The following CPED1 variants were observed in gnomAD, a reference collection of about 807,000 sequenced individuals.
CPED1 encodes cadherin-like and PC-esterase domain-containing protein 1.
In CPED1, 114 loss-of-function variants were observed where a neutral mutation model predicts 128.2. The observed-to-expected ratio is 0.89, with a 90% CI of 0.76 to 1.04. CPED1 has a LOEUF of 1.04. Ranked by LOEUF, CPED1 falls within the 50% of genes least tolerant of loss-of-function variation. The pLI is 0.00. For synonymous variants in CPED1, 462 were observed against 426.7 expected, an observed-to-expected ratio of 1.08 and a Z score of -1.02; for missense variants, 1,211 against 1,207.1, an observed-to-expected ratio of 1.00 and a Z score of -0.05.
intron 5 of CPED1, among the ~76,000 whole-genome samples, chr7:121,079,299 A>G (rs1024422425): frequency 6.6e-6 from 1 of 152,242 alleles, no homozygotes; most frequent in Non-Finnish European, 1.5e-5. Flanking sequence ...GAGACACTGG[A>G]CAAAAACAAT....
intron 4 of CPED1, among the ~76,000 whole-genome samples, chr7:121,059,191 T>C (rs1228514737): frequency 6.6e-6 from 1 of 152,208 alleles, no homozygotes; most frequent in South Asian, 2.1e-4. Flanking sequence ...TAAATTGTTG[T>C]AGGATTAGCA....
At chr7:121,258,403 G>T (rs1791939067) in intron 18 of CPED1, among the ~76,000 whole-genome samples, 1 of 152,112 alleles carries the variant, frequency 6.6e-6, no homozygotes, top group African/African-American at 2.4e-5. Flanking sequence ...GTGGGCACTG[G>T]ATCCAGCCTG....
At chr7:121,236,633 C>A in intron 16 of CPED1, 81 bp from the exon 17 acceptor site, 1 of 765,582 alleles carries the variant, frequency 1.3e-6, no homozygotes, top group Non-Finnish European at 2.1e-6. Flanking sequence ...TTATTTGCCA[C>A]ATAAAGTCTT....
chr7:120,993,410 T>A (rs764717680), intron 2 of CPED1, among the ~76,000 whole-genome samples: 1 of 152,206 alleles, frequency 6.6e-6, no homozygotes, highest in Admixed American at 6.5e-5. Flanking sequence ...TTTTGTTGAC[T>A]GTTGCTTGAC....
chr7:121,023,621 G>C (rs1398993753), intron 3 of CPED1, among the ~76,000 whole-genome samples: 1 of 152,078 alleles, frequency 6.6e-6, no homozygotes, highest in Admixed American at 6.6e-5. Flanking sequence ...GGTGTTGCAC[G>C]GGCAGAAGAG....
intron 3 of CPED1, among the ~76,000 whole-genome samples, chr7:121,024,009 TG>T (rs913118133): frequency 3.3e-5 from 5 of 152,150 alleles, no homozygotes; most frequent in South Asian, 4.1e-4. Context: ...TTAATCAAAC[TG>T]GGGGGAAAAA....
intron 17 of CPED1, among the ~76,000 whole-genome samples, chr7:121,238,609 T>C (rs1208014867): frequency 6.6e-6 from 1 of 152,118 alleles, no homozygotes; most frequent in Non-Finnish European, 1.5e-5. Flanking sequence ...TGAAGTGATG[T>C]TCCTTACGAA....
intron 13 of CPED1, 59 bp from the exon 14 acceptor site, chr7:121,135,981 T>C: frequency 1.6e-6 from 2 of 1,270,828 alleles, no homozygotes; most frequent in Non-Finnish European, 2.1e-6. Context: ...GCTAAATGTA[T>C]ATTTTAACAT....
intron 13 of CPED1, among the ~76,000 whole-genome samples, chr7:121,135,139 T>C (rs1178100266): frequency 6.6e-6 from 1 of 152,018 alleles, no homozygotes; most frequent in Non-Finnish European, 1.5e-5. Context: ...GAAAAATCAA[T>C]GGTGACTTAT....
intron 7 of CPED1, among the ~76,000 whole-genome samples, chr7:121,117,076 A>C (rs1795259498): frequency 1.7e-5 from 1 of 57,938 alleles, no homozygotes; most frequent in Non-Finnish European, 3.4e-5. Flanking sequence ...ATATATACAC[A>C]TTATATATAT....
intron 16 of CPED1, among the ~76,000 whole-genome samples, chr7:121,160,423 A>G (rs1050605381): frequency 1.3e-5 from 2 of 152,152 alleles, no homozygotes; most frequent in Non-Finnish European, 2.9e-5. Flanking sequence ...TGGGGAATGT[A>G]TTGTTCATGA....
chr7:121,236,987 T>C (rs1291046674), intron 17 of CPED1, among the ~76,000 whole-genome samples, 156 bp downstream of exon 17: 1 of 152,184 alleles, frequency 6.6e-6, no homozygotes, highest in Non-Finnish European at 1.5e-5. Context: ...GTGCATTGTT[T>C]TAATATTTGA....
At chr7:121,126,609 T>C (rs1795509778) in intron 9 of CPED1, among the ~76,000 whole-genome samples, 1 of 152,170 alleles carries the variant, frequency 6.6e-6, no homozygotes, top group Non-Finnish European at 1.5e-5. Flanking sequence ...GTCCTCAAAC[T>C]ATTATTCCGG....
At chr7:120,998,385 C>T (rs1796446134) in intron 2 of CPED1, among the ~76,000 whole-genome samples, 1 of 152,116 alleles carries the variant, frequency 6.6e-6, no homozygotes, top group Non-Finnish European at 1.5e-5. Flanking sequence ...GATTTAGTTT[C>T]CTTACCTGAA....
chr7:121,189,112 G>A (rs150532812), intron 16 of CPED1, among the ~76,000 whole-genome samples: 1 of 152,074 alleles, frequency 6.6e-6, no homozygotes, highest in Non-Finnish European at 1.5e-5. Flanking sequence ...TCACATAATG[G>A]TGTTCCATTC....
chr7:121,081,270 A>G (rs1398185323), intron 5 of CPED1, among the ~76,000 whole-genome samples: 1 of 152,166 alleles, frequency 6.6e-6, no homozygotes, highest in Non-Finnish European at 1.5e-5. Flanking sequence ...GTTTTCCTTA[A>G]TAGAATCTTA....
intron 22 of CPED1, among the ~76,000 whole-genome samples, chr7:121,280,154 C>G (rs1792429633): frequency 6.6e-6 from 1 of 152,116 alleles, no homozygotes; most frequent in South Asian, 2.1e-4. Context: ...CCAATAGATT[C>G]CAAGACCCAA....
rs1798473074 is a variant in CPED1, at chr7:121,244,314, C to G, written c.2286C>G (p.Leu762=). ...ATGGTGTCCTAACTAAGCCTCAACT[C>G]CAGCAGTGCCTGGGAGGAAGGAAGG... ...CQYGVLTKPQ[L]QQCLGGRKIL... The change falls in exon 18 of 23, where the codon CTC becomes CTG. Residue 762 remains leucine, a synonymous_variant. Transcript: ENST00000310396. 6.2e-7 allele frequency: 1 copy of G among 1,613,962 alleles called. No individual in the cohort carries two copies. Among genetic ancestry groups the G allele is most frequent in the Non-Finnish European group, 8.5e-7 (1 of 1,180,002 alleles).
chr7:121,287,919 A>G (rs1489975024), intron 22 of CPED1, among the ~76,000 whole-genome samples: 1 of 152,200 alleles, frequency 6.6e-6, no homozygotes, highest in Admixed American at 6.5e-5. Flanking sequence ...CTTACTAATT[A>G]TGTATAGACT....
Sources: allele counts gnomAD v4.1 joint callset (sites outside exome capture counted in the v4.1 genomes callset), GRCh38; gene constraint gnomAD v4.1.1; transcripts MANE v1.5; gene names NCBI Gene and HGNC (gene_info 2026-07-23, HGNC 2026-07-21).